Variants in DNAAF8 observed in about 807,000 individuals in gnomAD.
DNAAF8 encodes the protein dynein axonemal-associated protein 1.
In DNAAF8, 61 loss-of-function variants were observed where a neutral mutation model predicts 54.6. The observed-to-expected ratio is 1.12, with a 90% CI of 0.91 to 1.38. DNAAF8 has a LOEUF of 1.38. DNAAF8 is among the 40% of genes most tolerant of loss of function. The pLI is 0.00. For synonymous variants in DNAAF8, 320 were observed against 270.1 expected (o/e 1.18, Z -1.81); for missense variants, 837 against 665.0 (o/e 1.26, Z -2.85).
intron 6 of DNAAF8, among the ~76,000 whole-genome samples, chr16:4,745,754 C>A (rs2082006870): frequency 6.6e-6 from 1 of 152,114 alleles, no homozygotes; most frequent in Middle Eastern, 3.2e-3. Flanking sequence ...AGTTCGAGAC[C>A]AGCCTGGCCA....
chr16:4,740,798 C>A lies in DNAAF8; in HGVS notation c.783+139C>A, dbSNP rs1466769916. 2.6e-6 allele frequency: 3 copies of A among 1,148,206 alleles called. No individual in the cohort carries two copies. In the East Asian group the frequency reaches 7.7e-5, roughly 29 times the overall value. The allele number at this position is 1,148,206 out of a possible 1,614,324, so 71.1% of individuals were successfully genotyped here. Reference sequence around the variant, plus strand: ...GCCCATTATCCACCATTCTGTGTACCTGTCTCAGTAGAGGGGTGGAGGGTC... The same window carrying A: ...GCCCATTATCCACCATTCTGTGTACATGTCTCAGTAGAGGGGTGGAGGGTC... On this transcript the variant is annotated intron_variant, in intron 4 of 9. Coordinates refer to ENST00000299320, the MANE Select transcript of DNAAF8 (RefSeq NM_139170.3).
intron 4 of DNAAF8, among the ~76,000 whole-genome samples, chr16:4,741,796 T>C (rs2081964017): frequency 6.6e-6 from 1 of 151,766 alleles, no homozygotes; most frequent in Non-Finnish European, 1.5e-5. Context: ...AAAAAAGAAA[T>C]TGGGATTTTG....
chr16:4,741,230 T>C (rs1413914815), intron 4 of DNAAF8, among the ~76,000 whole-genome samples: 1 of 107,250 alleles, frequency 9.3e-6, no homozygotes, highest in African/African-American at 3.6e-5. Context: ...CGAGACTCCA[T>C]CTCAAAAAAA....
rs751623429 is a variant in DNAAF8 at position 4,740,470 on chromosome 16, C to T, written c.594C>T (p.Ala198=). 2.9e-5 allele frequency: 47 copies of T among 1,613,888 alleles called. No individual in the cohort carries two copies. Among genetic ancestry groups the T allele is most frequent in the Non-Finnish European group, 3.6e-5 (42 of 1,179,982 alleles). ...TASQESVNRR[A]LRQERRKMIE... ...CACAAGAATCTGTGAACCGCCGGGC[C>T]CTCCGACAGGAGAGAAGGAAGATGA... Residue 198 remains alanine (A), a synonymous_variant, in exon 4 of 10, where the codon GCC becomes GCT. Transcript: ENST00000299320.
At chr16:4,744,089 C>G (rs2081982821) in intron 5 of DNAAF8, among the ~76,000 whole-genome samples, 1 of 151,918 alleles carries the variant, frequency 6.6e-6, no homozygotes, top group African/African-American at 2.4e-5. Flanking sequence ...GCCACCACGC[C>G]TGGCTAATTT....
intron 3 of DNAAF8, among the ~76,000 whole-genome samples, chr16:4,739,568 G>GTTA (rs2081937766): frequency 7.1e-5 from 10 of 141,034 alleles, no homozygotes; most frequent in African/African-American, 1.3e-4. Context: ...TTTTTTTTTG[G>GTTA]GACAGGATCT....
chr16:4,741,009 TA>T (rs528406610), intron 4 of DNAAF8, among the ~76,000 whole-genome samples: 28 of 138,750 alleles, frequency 2.0e-4, no homozygotes, highest in South Asian at 4.5e-4. Flanking sequence ...CCCTCATCTC[TA>T]AAAAAAAAAG....
At chr16:4,743,424 A>G in intron 5 of DNAAF8, 1 of 310,846 alleles carries the variant, frequency 3.2e-6, no homozygotes, top group South Asian at 7.0e-5. Context: ...CCCATGACCC[A>G]TACCTCCTCT....
Position 4,743,050 on chromosome 16 carries a change from AAG to A in DNAAF8, c.792_793del (p.Glu264AspfsTer6). 6.2e-7 allele frequency: 1 copy of A among 1,608,248 alleles called. No individual in the cohort carries two copies. The highest frequency in any genetic ancestry group is 1.1e-5 in the South Asian group (1 of 90,716). ...TGGTTTTAATGATTTCAGCAACTTGAAGCGTGGGATTTGGATGACATCCTTCA... is the reference window on the plus strand; with the variant it reads ...TGGTTTTAATGATTTCAGCAACTTGACGTGGGATTTGGATGACATCCTTCA... On this transcript the variant is annotated frameshift_variant, in exon 5 of 10. Coordinates refer to ENST00000299320, the MANE Select transcript of DNAAF8 (RefSeq NM_139170.3). LOFTEE classifies it high-confidence loss of function.
At position 4,748,901 on chromosome 16, in the gene DNAAF8, C is replaced by G. The variant is rs1056989404; in HGVS notation, c.*186C>G. On this transcript the variant is annotated 3_prime_UTR_variant, in exon 10 of 10. Transcript: ENST00000299320. ...CACTGAGGATGGGCAGGGGTCTCTT[C>G]TCATCAAGCCTTGTACCAGGCAAAA... The G allele has an allele frequency of 5.3e-5, 8 of 152,348 alleles. No individual in the cohort carries two copies. Among genetic ancestry groups the G allele is most frequent in the African/African-American group, 1.9e-4 (8 of 41,462 alleles). The allele number at this position is 152,348 out of a possible 1,614,324, so 9.4% of individuals were successfully genotyped here.
At chr16:4,735,239 C>G (rs1359270109) in intron 1 of DNAAF8, 2 of 152,228 alleles carry the variant, frequency 1.3e-5, no homozygotes, top group African/African-American at 4.8e-5. Flanking sequence ...CTCTTCATCC[C>G]GACGATTCTG....
rs1175618341 is a variant in DNAAF8 at position 4,743,171 on chromosome 16, G to C, written c.901+11G>C. The C allele has an allele frequency of 5.2e-6, 8 of 1,548,120 alleles. No individual in the cohort carries two copies. Among genetic ancestry groups the C allele is most frequent in the Admixed American group, 1.8e-5 (1 of 54,088 alleles). On this transcript the variant is annotated intron_variant, in intron 5 of 9. Coordinates refer to ENST00000299320, the MANE Select transcript of DNAAF8 (RefSeq NM_139170.3). The stretch of plus-strand genomic sequence containing the variant: ...ACCGCCAAGTTCAAGGTCTGACCTT[G>C]AACACTGGAGCCCACGTGAATCCCC...
chr16:4,736,095 T>C (rs950758564), intron 1 of DNAAF8, among the ~76,000 whole-genome samples: 3 of 152,184 alleles, frequency 2.0e-5, no homozygotes, highest in African/African-American at 7.2e-5. Flanking sequence ...AGAATAGTTA[T>C]GCTATATGGG....
chr16:4,746,246 T>C (rs2082016178), intron 6 of DNAAF8, 129 bp from the exon 7 acceptor site: 1 of 999,836 alleles, frequency 1.0e-6, no homozygotes, highest in Non-Finnish European at 1.5e-6. Flanking sequence ...ATGTGTTTAA[T>C]GTGCCCGTCT....
At chr16:4,747,205 G>A in intron 8 of DNAAF8, 138 bp from the exon 9 acceptor site, 1 of 1,249,280 alleles carries the variant, frequency 8.0e-7, no homozygotes. Flanking sequence ...AGCAGTGGCA[G>A]CAGTGATGGG....
Position 4,740,729 on chromosome 16 carries a change from C to T in DNAAF8, c.783+70C>T, listed in dbSNP as rs568834250. 31 of 1,467,280 alleles carry T rather than the reference C, an allele frequency of 2.1e-5. No individual in the cohort carries two copies. The African/African-American group carries it at 4.1e-4, about 19-fold the overall frequency. 90.9% of individuals were successfully genotyped at this position (1,467,280 alleles called of 1,614,324 possible). ...GTGGCATGGCTGCTGTTCCCATGCA[C>T]TGGAGCTAGAAGCAGCTTGAGGGCT... On this transcript the variant is annotated intron_variant, in intron 4 of 9. Transcript: ENST00000299320.
chr16:4,743,493 G>C (rs1421862981), intron 5 of DNAAF8: 5 of 163,796 alleles, frequency 3.1e-5, no homozygotes, highest in Non-Finnish European at 6.0e-5. Flanking sequence ...CCTGGGGGAA[G>C]GAAGCCCCAC....
At position 4,744,174 on chromosome 16, in the gene DNAAF8, G is replaced by A. The variant is rs559853995; in HGVS notation, c.902-696G>A. Among the ~76,000 whole-genome samples, 8 of 152,054 alleles carry A rather than the reference G, an allele frequency of 5.3e-5. No homozygotes were observed. The South Asian group carries it at 1.2e-3, about 24-fold the overall frequency. ...TCTCGAACTCCTGACCTCAGGATCC[G>A]CCTGCCTCAGCCTCCCAAAGTGCTG... On this transcript the variant is annotated intron_variant, in intron 5 of 9. Transcript: ENST00000299320.
intron 6 of DNAAF8, chr16:4,746,157 G>A: frequency 2.0e-6 from 1 of 504,766 alleles, no homozygotes; most frequent in Non-Finnish European, 3.5e-6. Context: ...CAGATAGAGA[G>A]CATGTCCATC....
Sources: allele counts gnomAD v4.1 joint callset (sites outside exome capture counted in the v4.1 genomes callset), GRCh38; gene constraint gnomAD v4.1.1; transcripts MANE v1.5; gene names NCBI Gene and HGNC (gene_info 2026-07-23, HGNC 2026-07-21).